Variants in ADAMTS2 observed in about 807,000 individuals in gnomAD.
ADAMTS2 encodes the protein A disintegrin and metalloproteinase with thrombospondin motifs 2.
Under a neutral mutation model 123.0 loss-of-function variants are expected in ADAMTS2, and 50 were observed. That is an observed-to-expected ratio of 0.41 (90% CI 0.32 to 0.51). ADAMTS2 has a LOEUF of 0.51. Ranked by LOEUF, ADAMTS2 falls within the 20% of genes least tolerant of loss-of-function variation. The probability of loss-of-function intolerance (pLI) is 0.35; values close to 1 mark genes in which losing one functional copy is unlikely to be tolerated. For synonymous variants in ADAMTS2, 678 were observed against 695.4 expected, an observed-to-expected ratio of 0.98 and a Z score of 0.39; for missense variants, 1,494 against 1,705.2, an observed-to-expected ratio of 0.88 and a Z score of 2.18.
intron 4 of ADAMTS2, among the ~76,000 whole-genome samples, chr5:179,192,319 G>A (rs1581179143): frequency 1.3e-5 from 2 of 152,354 alleles, no homozygotes; most frequent in African/African-American, 4.8e-5. Flanking sequence ...TGCTGCCAGC[G>A]TATCCCTCCC....
At position 179,207,502 on chromosome 5, in the gene ADAMTS2, A is replaced by ACCCCCC; in HGVS notation, c.891+10_891+11insGGGGGG. ...CCCGCCCCACCCTGCCCCCTCAGCC[A>ACCCCCC]CCCCACTCACAATGTTCATGAGTGT... is the stretch of plus-strand genomic sequence containing the variant. On this transcript the variant is annotated intron_variant, in intron 4 of 21. Transcript: ENST00000251582. 4.1e-6 allele frequency: 3 copies of ACCCCCC among 727,528 alleles called. No homozygotes were observed. The highest frequency in any genetic ancestry group is 4.1e-6 in the Non-Finnish European group (2 of 493,606). 45.1% of individuals were successfully genotyped at this position (727,528 alleles called of 1,614,324 possible).
intron 2 of ADAMTS2, among the ~76,000 whole-genome samples, chr5:179,337,135 C>T (rs148566519): frequency 4.6e-5 from 7 of 152,160 alleles, no homozygotes; most frequent in African/African-American, 7.2e-5. Flanking sequence ...ATGAAACATA[C>T]GCAGCAGAGT....
chr5:179,233,278 C>T (rs570180001), intron 3 of ADAMTS2, among the ~76,000 whole-genome samples: 1 of 152,332 alleles, frequency 6.6e-6, no homozygotes, highest in South Asian at 2.1e-4. Context: ...ACTGACTGAA[C>T]ATCATCAGTG....
At chr5:179,299,508 A>C (rs556421437) in intron 2 of ADAMTS2, among the ~76,000 whole-genome samples, 1 of 134,018 alleles carries the variant, frequency 7.5e-6, no homozygotes, top group South Asian at 2.6e-4. Context: ...CAGCCTGGGC[A>C]ACAGATCAAG....
chr5:179,325,728 G>A (rs1757295164), intron 2 of ADAMTS2, among the ~76,000 whole-genome samples: 1 of 152,276 alleles, frequency 6.6e-6, no homozygotes, highest in Non-Finnish European at 1.5e-5. Flanking sequence ...GAGGGCGGCT[G>A]AGCTGAAACC....
At chr5:179,124,778 G>A (rs1445533290) in intron 19 of ADAMTS2, among the ~76,000 whole-genome samples, 195 bp downstream of exon 19, 2 of 151,984 alleles carry the variant, frequency 1.3e-5, no homozygotes, top group African/African-American at 2.4e-5. Flanking sequence ...ACCAGGGCCC[G>A]GCTCGCCAAT....
rs1351163992 is a variant in ADAMTS2, at chr5:179,256,599, C to T, written c.688+16312G>A. On this transcript the variant is annotated intron_variant, in intron 3 of 21. Transcript: ENST00000251582. The surrounding 1 kb of genome is among the most constrained non-coding windows in gnomAD (Gnocchi z 4.1). ...TAACTACCAACCAGAGTCCAGGAGT[C>T]TCACACTCCACTGCAAACCAGGCAG... 6.6e-6 allele frequency among the ~76,000 whole-genome samples: 1 copy of T among 152,134 alleles called. No homozygotes were observed. The highest frequency in any genetic ancestry group is 1.9e-4 in the East Asian group (1 of 5,182).
At chr5:179,230,696 A>G (rs1177434517) in intron 3 of ADAMTS2, among the ~76,000 whole-genome samples, 1 of 152,096 alleles carries the variant, frequency 6.6e-6, no homozygotes, top group Non-Finnish European at 1.5e-5. Context: ...ACTGTCAGGC[A>G]CTCTTTCATT....
chr5:179,248,811 CT>C (rs1765857933), intron 3 of ADAMTS2, among the ~76,000 whole-genome samples: 1 of 152,126 alleles, frequency 6.6e-6, no homozygotes, highest in South Asian at 2.1e-4. Flanking sequence ...CAATATTCCA[CT>C]TTCAAAAATG....
At chr5:179,127,645 G>C (rs1762882267) in intron 17 of ADAMTS2, among the ~76,000 whole-genome samples, 1 of 152,050 alleles carries the variant, frequency 6.6e-6, no homozygotes, top group Non-Finnish European at 1.5e-5. Context: ...CAATGCCACG[G>C]CATGATCCTT....
chr5:179,160,751 T>C (rs1158888476), intron 5 of ADAMTS2, among the ~76,000 whole-genome samples: 1 of 152,106 alleles, frequency 6.6e-6, no homozygotes, highest in Non-Finnish European at 1.5e-5. Context: ...GGCATAGAAG[T>C]GGACAGACCA....
In ADAMTS2 at chr5:179,262,577, G is replaced by C. The variant is rs915396095; in HGVS notation, c.688+10334C>G. Among the ~76,000 whole-genome samples, 2 of 152,030 alleles carry C rather than the reference G, an allele frequency of 1.3e-5. No homozygotes were observed. Among genetic ancestry groups the C allele is most frequent in the Non-Finnish European group, 2.9e-5 (2 of 68,012 alleles). ...TACTAGCTCTTCCTTCTGCCCCTTG[G>C]TCACGCTGCGGTAACTCCAGCCTCA... On this transcript the variant is annotated intron_variant, in intron 3 of 21. Transcript: ENST00000251582. This position sits in a 1 kb window ranked among gnomAD's most constrained non-coding sequence, Gnocchi z 5.9.
At chr5:179,211,558 A>G (rs1764850199) in intron 3 of ADAMTS2, among the ~76,000 whole-genome samples, 1 of 152,232 alleles carries the variant, frequency 6.6e-6, no homozygotes, top group African/African-American at 2.4e-5. Flanking sequence ...TCGTGGCCAA[A>G]TAATGACACT....
chr5:179,208,202 G>A (rs552661716), intron 3 of ADAMTS2, among the ~76,000 whole-genome samples: 2 of 49,266 alleles, frequency 4.1e-5, no homozygotes, highest in South Asian at 1.4e-3. Flanking sequence ...TCCCCCGAAG[G>A]GCTGCCAGGT....
chr5:179,137,241 C>T (rs1398786334), intron 12 of ADAMTS2, among the ~76,000 whole-genome samples: 4 of 152,308 alleles, frequency 2.6e-5, no homozygotes, highest in South Asian at 2.1e-4. Context: ...GTTTACAGTC[C>T]GTCCCAGGAG....
chr5:179,114,164 G>A lies in ADAMTS2; in HGVS notation c.3339C>T (p.His1113=), dbSNP rs780346183. Reference sequence around the variant, plus strand: ...TAGGCATGAACACGTCAATGTCGTTGTGCTTCCCAGGCGGTGGCTCTATCC... The same window carrying A: ...TAGGCATGAACACGTCAATGTCGTTATGCTTCCCAGGCGGTGGCTCTATCC... The part of the protein sequence containing the change: ...EGRIEPPPGK[H]NDIDVFMPTL... The change falls in exon 22 of 22, where the codon CAC becomes CAT. Residue 1113 remains histidine, a synonymous_variant. Coordinates refer to ENST00000251582, the MANE Select transcript of ADAMTS2 (RefSeq NM_014244.5). 2.4e-5 allele frequency: 38 copies of A among 1,612,548 alleles called. No homozygotes were observed. Among genetic ancestry groups the A allele is most frequent in the Non-Finnish European group, 3.1e-5 (36 of 1,178,678 alleles).
At chr5:179,153,342 TG>T in intron 9 of ADAMTS2, 148 bp downstream of exon 9, 2 of 1,250,966 alleles carry the variant, frequency 1.6e-6, no homozygotes, top group South Asian at 1.4e-5. Context: ...TGGGGAGTGG[TG>T]GGTGCAGAGG....
intron 3 of ADAMTS2, among the ~76,000 whole-genome samples, chr5:179,259,531 T>C (rs1030881361): frequency 6.6e-6 from 1 of 152,124 alleles, no homozygotes; most frequent in Non-Finnish European, 1.5e-5. Flanking sequence ...CAGGGAACAG[T>C]GGCCAAGGCA....
At chr5:179,334,389 G>C (rs1369623311) in intron 2 of ADAMTS2, among the ~76,000 whole-genome samples, 1 of 152,224 alleles carries the variant, frequency 6.6e-6, no homozygotes, top group Non-Finnish European at 1.5e-5. Context: ...TTGGAGGTGA[G>C]AGAAGGGAGC....
Sources: allele counts gnomAD v4.1 joint callset (sites outside exome capture counted in the v4.1 genomes callset), GRCh38; gene constraint gnomAD v4.1.1; non-coding constraint Gnocchi (gnomAD v3.1); transcripts MANE v1.5; gene names NCBI Gene and HGNC (gene_info 2026-07-23, HGNC 2026-07-21).